Variants in AGBL3 observed in about 807,000 individuals in gnomAD.
AGBL3 encodes AGBL carboxypeptidase 3.
In AGBL3, 68 loss-of-function variants were observed where a neutral mutation model predicts 94.5. That is an observed-to-expected ratio of 0.72 (90% CI 0.59 to 0.88). The LOEUF is 0.88. AGBL3 is among the 40% of genes least tolerant of loss of function. The pLI is 0.00. For missense variants in AGBL3, 934 were observed against 1,103.8 expected (o/e 0.85, Z 2.18); for synonymous variants, 354 against 370.7 (o/e 0.95, Z 0.52).
intron 12 of AGBL3, among the ~76,000 whole-genome samples, chr7:135,072,379 A>G (rs1273889717): frequency 1.3e-5 from 2 of 152,220 alleles, no homozygotes; most frequent in Non-Finnish European, 2.9e-5. Context: ...ATCCAGAACT[A>G]GAAATACCAT....
At chr7:135,132,289 A>G (rs532822575) in intron 16 of AGBL3, among the ~76,000 whole-genome samples, 1 of 152,362 alleles carries the variant, frequency 6.6e-6, no homozygotes, top group African/African-American at 2.4e-5. Flanking sequence ...AATAGAATTC[A>G]GCTCTAAATA....
At chr7:135,112,629 A>G (rs1385878467) in intron 15 of AGBL3, among the ~76,000 whole-genome samples, 2 of 152,192 alleles carry the variant, frequency 1.3e-5, no homozygotes, top group African/African-American at 4.8e-5. Flanking sequence ...GCCCTGGTTT[A>G]TCTCTATAGG....
intron 13 of AGBL3, among the ~76,000 whole-genome samples, chr7:135,076,825 C>T (rs966743208): frequency 1.3e-4 from 20 of 152,182 alleles, no homozygotes; most frequent in African/African-American, 4.6e-4. Flanking sequence ...TCAGCTTCTA[C>T]CATGACAACA....
intron 12 of AGBL3, among the ~76,000 whole-genome samples, chr7:135,059,626 A>C (rs575346019): frequency 1.3e-5 from 2 of 152,326 alleles, no homozygotes; most frequent in East Asian, 3.9e-4. Flanking sequence ...AAATGAGACA[A>C]CAGCTTTCCC....
In AGBL3 at chr7:134,993,342, C is replaced by A. The variant is rs1193492503; in HGVS notation, c.125-151C>A. 3 of 604,022 alleles carry A rather than the reference C, an allele frequency of 5.0e-6. No individual in the cohort carries two copies. The East Asian group carries it at 9.8e-5, about 20-fold the overall frequency. 37.4% of individuals were successfully genotyped at this position (604,022 alleles called of 1,614,324 possible). A position where few individuals can be genotyped will look rare whatever the true frequency, so the allele number is the denominator to read the frequency against. On this transcript the variant is annotated intron_variant, in intron 3 of 16. Transcript: ENST00000436302. Reference sequence around the variant, plus strand: ...CAATCATCACAAAATTTCATTAGTACTTTTATAAACAGTGCCATGAATTAT... The same window carrying A: ...CAATCATCACAAAATTTCATTAGTAATTTTATAAACAGTGCCATGAATTAT...
At chr7:135,113,129 G>C (rs1055473714) in intron 15 of AGBL3, among the ~76,000 whole-genome samples, 1 of 152,204 alleles carries the variant, frequency 6.6e-6, no homozygotes, top group African/African-American at 2.4e-5. Flanking sequence ...TCAAGAAACT[G>C]TAAATAAGTT....
In AGBL3 at chr7:135,135,368, C is replaced by A; in HGVS notation, c.*107C>A. 9.8e-7 allele frequency: 1 copy of A among 1,021,520 alleles called. No individual in the cohort carries two copies. The highest frequency in any genetic ancestry group is 1.3e-6 in the Non-Finnish European group (1 of 746,724). 63.3% of individuals were successfully genotyped at this position (1,021,520 alleles called of 1,614,324 possible). A position where few individuals can be genotyped will look rare whatever the true frequency, so the allele number is the denominator to read the frequency against. On this transcript the variant is annotated 3_prime_UTR_variant, in exon 17 of 17. Transcript: ENST00000436302. ...CCCTTCCCCTTTCCCTATCTCTCCC[C>A]TTACACATGCATATGCATAAACTAA...
chr7:135,005,135 C>T (rs73151997), intron 4 of AGBL3, among the ~76,000 whole-genome samples: 2,679 of 151,610 alleles, frequency 0.018, 33 homozygotes, highest in Non-Finnish European at 0.027. Context: ...CCAATTAAGT[C>T]CTTTTAGTTT....
At chr7:135,119,757 G>A (rs1197792292) in intron 16 of AGBL3, among the ~76,000 whole-genome samples, 5 of 152,108 alleles carry the variant, frequency 3.3e-5, no homozygotes, top group Admixed American at 2.0e-4. Context: ...GGTGCCTGTA[G>A]TTCCAGCTAC....
At chr7:135,039,565 T>C (rs1408031029) in intron 8 of AGBL3, among the ~76,000 whole-genome samples, 4 of 151,888 alleles carry the variant, frequency 2.6e-5, no homozygotes, top group Admixed American at 2.6e-4. Context: ...TGAAACCTCA[T>C]CTCTACTAAA....
chr7:135,043,616 C>G (rs573834697), intron 8 of AGBL3, among the ~76,000 whole-genome samples: 1 of 152,130 alleles, frequency 6.6e-6, no homozygotes, highest in East Asian at 1.9e-4. Flanking sequence ...AGGATAAATG[C>G]TTGAGGTGAT....
intron 15 of AGBL3, among the ~76,000 whole-genome samples, chr7:135,105,273 T>C (rs911050599): frequency 6.6e-6 from 1 of 152,164 alleles, no homozygotes; most frequent in Admixed American, 6.6e-5. Flanking sequence ...TTTCACCATG[T>C]TGGCCAGGCT....
chr7:135,078,083 A>C (rs1472524143), intron 13 of AGBL3, among the ~76,000 whole-genome samples: 5 of 152,200 alleles, frequency 3.3e-5, no homozygotes, highest in Non-Finnish European at 7.3e-5. Flanking sequence ...TTCCAGAGAG[A>C]ACTGGAGAAA....
At chr7:135,005,249 T>A (rs1334307599) in intron 4 of AGBL3, among the ~76,000 whole-genome samples, 1 of 151,780 alleles carries the variant, frequency 6.6e-6, no homozygotes, top group Non-Finnish European at 1.5e-5. Context: ...TGAGGTACAT[T>A]TTACAAAAGA....
intron 12 of AGBL3, among the ~76,000 whole-genome samples, chr7:135,065,802 G>A (rs1050569010): frequency 6.6e-6 from 1 of 152,186 alleles, no homozygotes; most frequent in African/African-American, 2.4e-5. Flanking sequence ...TGAGGTGGGA[G>A]GATCAATGAG....
At chr7:135,049,872 T>C (rs923865550) in intron 11 of AGBL3, among the ~76,000 whole-genome samples, 18 of 151,884 alleles carry the variant, frequency 1.2e-4, no homozygotes, top group Admixed American at 3.9e-4. Flanking sequence ...GTTTCACTGA[T>C]TTTTTTCTAT....
intron 12 of AGBL3, among the ~76,000 whole-genome samples, chr7:135,064,634 T>G (rs114149497): frequency 4.2e-4 from 64 of 152,310 alleles, no homozygotes; most frequent in African/African-American, 1.5e-3. Flanking sequence ...GCTGATGACA[T>G]GTTTATAAGA....
chr7:135,014,275 TTC>T (rs1199985073), intron 4 of AGBL3, among the ~76,000 whole-genome samples: 2 of 151,694 alleles, frequency 1.3e-5, no homozygotes, highest in Non-Finnish European at 2.9e-5. Context: ...GTGGATTTTT[TTC>T]TTTTTGCTTA....
chr7:135,102,404 A>G (rs1374108612), intron 15 of AGBL3, among the ~76,000 whole-genome samples: 1 of 152,176 alleles, frequency 6.6e-6, no homozygotes, highest in Non-Finnish European at 1.5e-5. Flanking sequence ...AAAAATGTTA[A>G]TAATATCAAA....
Sources: gnomAD v4.1 joint callset for allele counts (sites outside exome capture counted in the v4.1 genomes callset) on GRCh38, gnomAD v4.1.1 for gene constraint, MANE v1.5 for transcripts, NCBI Gene and HGNC (gene_info 2026-07-23, HGNC 2026-07-21) for gene names.